GRID1: variants seen among roughly 807,000 people sequenced by gnomAD.
The protein encoded by GRID1 is glutamate ionotropic receptor delta type subunit 1.
GRID1 carries 28 observed loss-of-function variants against 98.0 expected under a neutral mutation model. The ratio of observed to expected loss-of-function variants is 0.29; its 90% confidence interval spans 0.21 to 0.39. GRID1 has a LOEUF of 0.39. Among genes scored for constraint, GRID1 ranks in the 10% least tolerant of loss-of-function variants. The probability of loss-of-function intolerance (pLI) is 1.00; values close to 1 mark genes in which losing one functional copy is unlikely to be tolerated. For synonymous variants in GRID1, 553 were observed against 538.5 expected, an observed-to-expected ratio of 1.03 and a Z score of -0.37; for missense variants, 1,111 against 1,340.5, an observed-to-expected ratio of 0.83 and a Z score of 2.67.
intron 2 of GRID1, among the ~76,000 whole-genome samples, chr10:86,348,345 G>A (rs1456082401): frequency 1.3e-5 from 2 of 152,224 alleles, no homozygotes; most frequent in African/African-American, 2.4e-5. Flanking sequence ...AGGCGGCCCC[G>A]GCCCGGGCAG....
intron 2 of GRID1, among the ~76,000 whole-genome samples, chr10:86,338,897 A>G (rs1848269572): frequency 6.6e-6 from 1 of 151,654 alleles, no homozygotes; most frequent in Non-Finnish European, 1.5e-5. Flanking sequence ...TATTTAATTC[A>G]CACAAATACC....
At chr10:85,806,374 T>C (rs1264720671) in intron 8 of GRID1, among the ~76,000 whole-genome samples, 2 of 152,124 alleles carry the variant, frequency 1.3e-5, no homozygotes, top group South Asian at 2.1e-4. Flanking sequence ...CAAAAGGATA[T>C]AGCCAATTTG....
Position 85,691,232 on chromosome 10 carries a change from T to C in GRID1, c.1997+31771A>G, listed in dbSNP as rs540155410. The stretch of plus-strand genomic sequence containing the variant: ...ATTATTGTCTGTTAATGCCACCCAG[T>C]ATTCCTTAAACACTGACCTCCTCTG... On this transcript the variant is annotated intron_variant, in intron 12 of 15. Coordinates refer to ENST00000327946, the MANE Select transcript of GRID1 (RefSeq NM_017551.3). Among the ~76,000 whole-genome samples, 118 of 152,336 alleles carry C rather than the reference T, an allele frequency of 7.7e-4. 3 individuals are homozygous for C. In the South Asian group the frequency reaches 0.023, roughly 30 times the overall value.
intron 8 of GRID1, among the ~76,000 whole-genome samples, chr10:85,737,244 G>A (rs887488736): frequency 3.9e-5 from 6 of 152,088 alleles, no homozygotes; most frequent in Admixed American, 3.9e-4. Flanking sequence ...GTGTCCAGAG[G>A]ACAGAGCTGT....
intron 8 of GRID1, among the ~76,000 whole-genome samples, chr10:85,787,032 A>G (rs1842436049): frequency 6.6e-6 from 1 of 152,178 alleles, no homozygotes; most frequent in Admixed American, 6.5e-5. Context: ...GCTGCCATCC[A>G]CCATCTCCCA....
chr10:86,303,757 T>C (rs893919614), intron 2 of GRID1, among the ~76,000 whole-genome samples: 2 of 152,204 alleles, frequency 1.3e-5, no homozygotes, highest in Non-Finnish European at 2.9e-5. Flanking sequence ...AGGGAGCTAT[T>C]TGAGAAGCCT....
At chr10:85,936,353 C>A (rs1841925422) in intron 4 of GRID1, among the ~76,000 whole-genome samples, 1 of 152,244 alleles carries the variant, frequency 6.6e-6, no homozygotes, top group African/African-American at 2.4e-5. Flanking sequence ...GAATATCACA[C>A]TGTTTATGCC....
At chr10:86,273,237 T>G (rs1190060273) in intron 2 of GRID1, among the ~76,000 whole-genome samples, 1 of 149,478 alleles carries the variant, frequency 6.7e-6, no homozygotes, top group African/African-American at 2.5e-5. Context: ...ACAAAGGACA[T>G]GAACTCATCA....
intron 8 of GRID1, among the ~76,000 whole-genome samples, chr10:85,778,289 C>A (rs1427058933): frequency 6.6e-6 from 1 of 151,930 alleles, no homozygotes; most frequent in Non-Finnish European, 1.5e-5. Flanking sequence ...TGATGGGGAC[C>A]AGGGCCATGC....
chr10:86,204,150 T>C (rs1195002973), intron 3 of GRID1, among the ~76,000 whole-genome samples: 1 of 152,120 alleles, frequency 6.6e-6, no homozygotes, highest in Non-Finnish European at 1.5e-5. Context: ...ACAACCTGTT[T>C]CCTAGCCTAC....
At chr10:85,710,065 A>G (rs1176330543) in intron 12 of GRID1, among the ~76,000 whole-genome samples, 4 of 152,228 alleles carry the variant, frequency 2.6e-5, no homozygotes, top group Admixed American at 1.3e-4. Context: ...AGAATGATCT[A>G]CTAATTCAAT....
chr10:85,685,764 T>C (rs1841262182), intron 12 of GRID1, among the ~76,000 whole-genome samples: 1 of 152,118 alleles, frequency 6.6e-6, no homozygotes, highest in South Asian at 2.1e-4. Context: ...ATGACAAAGA[T>C]GACACTGTGC....
chr10:86,096,630 TC>T (rs1182604467), intron 4 of GRID1, among the ~76,000 whole-genome samples: 2 of 152,220 alleles, frequency 1.3e-5, no homozygotes, highest in Non-Finnish European at 2.9e-5. Flanking sequence ...ACCAGGAAAC[TC>T]ATTTCACAGC....
chr10:85,635,283 T>C (rs2132539710), intron 13 of GRID1, among the ~76,000 whole-genome samples: 1 of 152,216 alleles, frequency 6.6e-6, no homozygotes, highest in Admixed American at 6.5e-5. Flanking sequence ...GACTGTATTA[T>C]CCCAAACCAA....
chr10:86,143,026 A>C (rs1254537242), intron 3 of GRID1, among the ~76,000 whole-genome samples: 1 of 152,226 alleles, frequency 6.6e-6, no homozygotes, highest in African/African-American at 2.4e-5. Flanking sequence ...CTATTCCAGC[A>C]GCCCCTAATG....
intron 8 of GRID1, among the ~76,000 whole-genome samples, chr10:85,787,194 T>C (rs569596592): frequency 1.1e-4 from 16 of 152,236 alleles, no homozygotes; most frequent in African/African-American, 3.9e-4. Flanking sequence ...ATCACAGACA[T>C]AGTGAATCCA....
chr10:85,760,268 T>A (rs1842135024), intron 8 of GRID1, among the ~76,000 whole-genome samples: 1 of 152,224 alleles, frequency 6.6e-6, no homozygotes, highest in Non-Finnish European at 1.5e-5. Context: ...TTTATATTGT[T>A]CAGCTTTATT....
intron 2 of GRID1, among the ~76,000 whole-genome samples, chr10:86,354,776 A>G (rs1333395544): frequency 6.6e-6 from 1 of 152,220 alleles, no homozygotes; most frequent in Non-Finnish European, 1.5e-5. Context: ...CTCAGAGCAG[A>G]CAAGGCCACA....
At chr10:85,762,816 C>T (rs1842159493) in intron 8 of GRID1, among the ~76,000 whole-genome samples, 1 of 152,180 alleles carries the variant, frequency 6.6e-6, no homozygotes, top group Non-Finnish European at 1.5e-5. Context: ...TGTTGTGAGC[C>T]AGGTGACTTG....
Sources: allele counts gnomAD v4.1 joint callset (sites outside exome capture counted in the v4.1 genomes callset), GRCh38; gene constraint gnomAD v4.1.1; transcripts MANE v1.5; gene names NCBI Gene and HGNC (gene_info 2026-07-23, HGNC 2026-07-21).